Variants in BBS5 observed in about 807,000 individuals in gnomAD.
BBS5 encodes the protein BBSome complex member BBS5.
BBS5 carries 39 observed loss-of-function variants against 50.2 expected under a neutral mutation model. The ratio of observed to expected loss-of-function variants is 0.78; its 90% CI spans 0.60 to 1.01. The LOEUF (loss-of-function observed/expected upper bound fraction) is 1.01, where lower values mean the gene tolerates loss of function less well. Among genes scored for constraint, BBS5 ranks in the 50% least tolerant of loss-of-function variants. BBS5 has a pLI of 0.00. For synonymous variants in BBS5, 134 were observed against 133.1 expected (o/e 1.01, Z -0.05); for missense variants, 356 against 401.5 (o/e 0.89, Z 0.97).
At chr2:169,482,425 T>A (rs539539505) in intron 2 of BBS5, 92 bp downstream of exon 2, 8 of 887,118 alleles carry the variant, frequency 9.0e-6, no homozygotes, top group South Asian at 2.7e-5. Context: ...CAGCATCATT[T>A]GTCAGTGTAA....
At chr2:169,484,885 A>T (rs1159316667) in intron 2 of BBS5, among the ~76,000 whole-genome samples, 1 of 152,228 alleles carries the variant, frequency 6.6e-6, no homozygotes, top group African/African-American at 2.4e-5. Context: ...AGAAACAGGG[A>T]CAACTATACT....
Position 169,499,609 on chromosome 2 carries a change from A to G in BBS5, c.805A>G (p.Met269Val). The change falls in exon 9 of 12, where the codon ATG becomes GTG. Residue 269 changes from methionine to valine, a missense_variant. Coordinates refer to ENST00000295240, the MANE Select transcript of BBS5 (RefSeq NM_152384.3). Reference protein sequence around the residue: ...ASPIFGVDYEMEEKPQPLEAL... With the variant: ...ASPIFGVDYEVEEKPQPLEAL... ...TCCCATATTTGGAGTTGATTATGAG[A>G]TGGAAGAAAAGGTAATTTGTTGAGT... The G allele has an allele frequency of 1.2e-6, 2 of 1,613,938 alleles. No homozygotes were observed. The highest frequency in any genetic ancestry group is 1.7e-6 in the Non-Finnish European group (2 of 1,179,858).
Position 169,504,730 on chromosome 2 carries a change from C to A in BBS5, c.*148C>A. 1 of 1,224,850 alleles carries A rather than the reference C, an allele frequency of 8.2e-7. No individual in the cohort carries two copies. Among genetic ancestry groups the A allele is most frequent in the South Asian group, 1.4e-5 (1 of 74,012 alleles). The allele number at this position is 1,224,850 out of a possible 1,614,324, so 75.9% of individuals were successfully genotyped here. A position where few individuals can be genotyped will look rare whatever the true frequency, so the allele number is the denominator to read the frequency against. On this transcript the variant is annotated 3_prime_UTR_variant, in exon 12 of 12. Coordinates refer to ENST00000295240, the MANE Select transcript of BBS5 (RefSeq NM_152384.3). ...TTTTTTTAATGATTGAGGAAAAAGTCATTTAGAAAACTTCAGTTTTCGGCC... is the reference window on the plus strand; with the variant it reads ...TTTTTTTAATGATTGAGGAAAAAGTAATTTAGAAAACTTCAGTTTTCGGCC...
intron 5 of BBS5, among the ~76,000 whole-genome samples, chr2:169,491,878 T>C (rs1365092932): frequency 1.3e-5 from 2 of 152,072 alleles, no homozygotes; most frequent in Non-Finnish European, 2.9e-5. Flanking sequence ...CTCACTGCAA[T>C]GTCCACCTCC....
Position 169,504,290 on chromosome 2 carries a change from C to A in BBS5, c.901-13C>A, listed in dbSNP as rs1559126635. 1 of 1,611,906 alleles carries A rather than the reference C, an allele frequency of 6.2e-7. No individual in the cohort carries two copies. On this transcript the variant is annotated splice_polypyrimidine_tract_variant and intron_variant, in intron 10 of 11. Transcript: ENST00000295240. ...TGTCCAGTTTGTGAAATAGAATTTT[C>A]TTTGTCTTACAGGCTTATTTTGCTG...
At position 169,487,845 on chromosome 2, in the gene BBS5, C is replaced by T. The variant is rs1332273191; in HGVS notation, c.248C>T (p.Thr83Ile). 6.2e-7 allele frequency: 1 copy of T among 1,605,896 alleles called. No individual in the cohort carries two copies. The highest frequency in any genetic ancestry group is 8.5e-7 in the Non-Finnish European group (1 of 1,173,504). The change falls in exon 4 of 12, where the codon ACT (threonine) becomes ATT (isoleucine). Residue 83 changes from threonine (T) to isoleucine (I), a missense_variant. By Grantham distance (89) the Thr-to-Ile change is moderately conservative (BLOSUM62 -1). Coordinates refer to ENST00000295240, the MANE Select transcript of BBS5 (RefSeq NM_152384.3). ...YNCILNITTRTANSKLRGQTE... is the reference protein window; with the variant it reads ...YNCILNITTRIANSKLRGQTE... Reference sequence around the variant, plus strand: ...TGCATATTGAATATTACAACAAGGACTGCTAACTCTGTAAGTCTAAAAAAT... The same window carrying T: ...TGCATATTGAATATTACAACAAGGATTGCTAACTCTGTAAGTCTAAAAAAT...
intron 5 of BBS5, among the ~76,000 whole-genome samples, chr2:169,491,664 C>T (rs1466275594): frequency 2.0e-5 from 3 of 151,938 alleles, no homozygotes; most frequent in African/African-American, 7.3e-5. Flanking sequence ...TCTTTCTCCC[C>T]CTCTCCCTCC....
At chr2:169,501,873 G>A (rs763217801) in intron 9 of BBS5, among the ~76,000 whole-genome samples, 25 of 152,212 alleles carry the variant, frequency 1.6e-4, no homozygotes, top group Middle Eastern at 3.4e-3. Context: ...TCTAATTTTC[G>A]TTTGTTCTCT....
At chr2:169,482,535 C>T in intron 2 of BBS5, 1 of 544,184 alleles carries the variant, frequency 1.8e-6, no homozygotes, top group Admixed American at 3.0e-5. Flanking sequence ...TCAGTAAGTC[C>T]TGGTTCTAAC....
rs529553455 is a variant in BBS5 at position 169,488,081 on chromosome 2, C to T, written c.353C>T (p.Pro118Leu). 2 of 1,613,330 alleles carry T rather than the reference C, an allele frequency of 1.2e-6. No individual in the cohort carries two copies. Among genetic ancestry groups the T allele is most frequent in the East Asian group, 4.5e-5 (2 of 44,824 alleles). Reference sequence around the variant, plus strand: ...TTTACAAATTTGGTTCCTGGAAGCCCTAGACTTTTTACTTCTGTGATGGCA... The same window carrying T: ...TTTACAAATTTGGTTCCTGGAAGCCTTAGACTTTTTACTTCTGTGATGGCA... ...FIFTNLVPGS[P>L]RLFTSVMAVH... The change falls in exon 5 of 12, where the codon CCT (proline) becomes CTT (leucine). Residue 118 changes from proline (P) to leucine (L), a missense_variant. Transcript: ENST00000295240.
chr2:169,502,833 T>G (rs1043177912), intron 9 of BBS5, among the ~76,000 whole-genome samples: 1 of 152,090 alleles, frequency 6.6e-6, no homozygotes, highest in Non-Finnish European at 1.5e-5. Context: ...CAAGTCAGAG[T>G]TTTTTCTTTA....
intron 2 of BBS5, among the ~76,000 whole-genome samples, chr2:169,484,913 A>G (rs575088602): frequency 6.6e-6 from 1 of 152,304 alleles, no homozygotes; most frequent in Admixed American, 6.5e-5. Flanking sequence ...TAGGCAGGGT[A>G]GAGAGGAAAG....
chr2:169,496,786 G>A lies in BBS5; in HGVS notation c.619-841G>A, dbSNP rs190280661. ...TGGGAGGCTGAGGCAGGAGAATGGC[G>A]TGAACCTGGGAGGCAGAGCTTGCAG... On this transcript the variant is annotated intron_variant, in intron 7 of 11. Coordinates refer to ENST00000295240, the MANE Select transcript of BBS5 (RefSeq NM_152384.3). Among the ~76,000 whole-genome samples, 1,010 of 140,340 alleles carry A rather than the reference G, an allele frequency of 7.2e-3. 3 individuals are homozygous for A. Among genetic ancestry groups the A allele is most frequent in the East Asian group, 0.017 (71 of 4,302 alleles). 92.1% of individuals were successfully genotyped at this position (140,340 alleles called of 152,430 possible).
chr2:169,490,460 C>G (rs959617749), intron 5 of BBS5, among the ~76,000 whole-genome samples: 5 of 152,146 alleles, frequency 3.3e-5, no homozygotes, highest in African/African-American at 1.2e-4. Flanking sequence ...TTGTGATCCG[C>G]CCACCTTGGC....
chr2:169,497,764 T>C, intron 8 of BBS5, 75 bp downstream of exon 8: 1 of 959,204 alleles, frequency 1.0e-6, no homozygotes, highest in Non-Finnish European at 1.7e-6. Flanking sequence ...GTTTTATTTA[T>C]ATAGTAATCA....
chr2:169,500,374 T>C lies in BBS5; in HGVS notation c.816+754T>C, dbSNP rs925645601. ...ATTGTTGGTGCCCCCCACTGTCTGCTCTATCACTGGGACAGTCACTCACCA... is the reference window on the plus strand; with the variant it reads ...ATTGTTGGTGCCCCCCACTGTCTGCCCTATCACTGGGACAGTCACTCACCA... On this transcript the variant is annotated intron_variant, in intron 9 of 11. Transcript: ENST00000295240. 2.0e-5 allele frequency among the ~76,000 whole-genome samples: 3 copies of C among 152,186 alleles called. No individual in the cohort carries two copies. In the East Asian group the frequency reaches 5.8e-4, roughly 29 times the overall value.
At chr2:169,487,169 A>G in intron 3 of BBS5, 35 bp downstream of exon 3, 1 of 1,480,424 alleles carries the variant, frequency 6.8e-7, no homozygotes, top group Non-Finnish European at 9.4e-7. Flanking sequence ...TGAAGAAAAA[A>G]AATCCTTTGT....
chr2:169,480,698 T>G (rs1023262017), intron 1 of BBS5, among the ~76,000 whole-genome samples: 6 of 71,152 alleles, frequency 8.4e-5, no homozygotes, highest in Non-Finnish European at 1.4e-4. Flanking sequence ...TTTTTTTTTT[T>G]GAGACAGAGT....
intron 2 of BBS5, among the ~76,000 whole-genome samples, chr2:169,483,741 C>T (rs1197571161): frequency 6.6e-6 from 1 of 152,098 alleles, no homozygotes; most frequent in Non-Finnish European, 1.5e-5. Flanking sequence ...GTGGCTAGGG[C>T]TCATCCTTAA....
Sources: allele counts gnomAD v4.1 joint callset (sites outside exome capture counted in the v4.1 genomes callset), GRCh38; gene constraint gnomAD v4.1.1; transcripts MANE v1.5; gene names NCBI Gene and HGNC (gene_info 2026-07-23, HGNC 2026-07-21).